Variants in MAN1C1 observed in about 807,000 individuals in gnomAD.
MAN1C1 encodes mannosyl-oligosaccharide 1,2-alpha-mannosidase IC.
In MAN1C1, 49 loss-of-function variants were observed where a neutral mutation model predicts 71.5. The ratio of observed to expected loss-of-function variants is 0.69; its 90% CI spans 0.54 to 0.87. The LOEUF (loss-of-function observed/expected upper bound fraction) is 0.87. Ranked by LOEUF, MAN1C1 falls within the 40% of genes least tolerant of loss-of-function variation. The pLI is 0.00. For synonymous variants in MAN1C1, 352 were observed against 343.7 expected, an observed-to-expected ratio of 1.02 and a Z score of -0.27; for missense variants, 743 against 835.0, an observed-to-expected ratio of 0.89 and a Z score of 1.36.
At chr1:25,666,905 G>A (rs527654036) in intron 1 of MAN1C1, among the ~76,000 whole-genome samples, 15 of 152,170 alleles carry the variant, frequency 9.9e-5, no homozygotes, top group Non-Finnish European at 1.8e-4. Flanking sequence ...GTCATGGGCC[G>A]TGGGTTCATT....
chr1:25,663,308 T>C (rs1197413518), intron 1 of MAN1C1, among the ~76,000 whole-genome samples: 8 of 151,966 alleles, frequency 5.3e-5, no homozygotes, highest in South Asian at 4.1e-4. Flanking sequence ...GGAGCACTTA[T>C]TGTGTAATAC....
rs765797920 is a variant in MAN1C1, at chr1:25,746,597, C to T, written c.638-71C>T. The T allele has an allele frequency of 2.7e-5, 33 of 1,221,906 alleles. No homozygotes were observed. The highest frequency in any genetic ancestry group is 2.7e-5 in the Non-Finnish European group (23 of 841,338). The allele number at this position is 1,221,906 out of a possible 1,614,324, so 75.7% of individuals were successfully genotyped here. On this transcript the variant is annotated intron_variant, in intron 2 of 11. Coordinates refer to ENST00000374332, the MANE Select transcript of MAN1C1 (RefSeq NM_020379.4). This position sits in a 1 kb window ranked among gnomAD's most constrained non-coding sequence, Gnocchi z 4.0. ...GCTGGCATTGGAGGGGCCCTGAGAA[C>T]GGTGGCTTGTCCAGTTGGGGAAAAG...
At chr1:25,671,138 A>G (rs180969913) in intron 1 of MAN1C1, among the ~76,000 whole-genome samples, 123 of 152,278 alleles carry the variant, frequency 8.1e-4, no homozygotes, top group Middle Eastern at 3.4e-3. Context: ...CTCGGCCTCC[A>G]GAAGTGCTGG....
At chr1:25,702,410 G>A (rs1425268767) in intron 2 of MAN1C1, among the ~76,000 whole-genome samples, 1 of 152,208 alleles carries the variant, frequency 6.6e-6, no homozygotes, top group African/African-American at 2.4e-5. Context: ...GCTCTCCCAG[G>A]CTCTGAGGGT....
Position 25,735,518 on chromosome 1 carries a change from ATATATGTGTATG to A in MAN1C1, c.638-11132_638-11121del, listed in dbSNP as rs905785365. ...TATGTGTGTATGTATGTGTGTGTATATATATGTGTATGTATATGTGTATGTATATATGTATAT... is the reference window on the plus strand; with the variant it reads ...TATGTGTGTATGTATGTGTGTGTATATATATGTGTATGTATATATGTATAT... On this transcript the variant is annotated intron_variant, in intron 2 of 11. Transcript: ENST00000374332. The surrounding 1 kb of genome is among the most constrained non-coding windows in gnomAD (Gnocchi z 4.6). Among the ~76,000 whole-genome samples the A allele has an allele frequency of 5.9e-5, 9 of 152,288 alleles. No individual in the cohort carries two copies. Among genetic ancestry groups the A allele is most frequent in the South Asian group, 2.1e-4 (1 of 4,830 alleles).
chr1:25,653,709 GCTT>G (rs2045724486), intron 1 of MAN1C1, among the ~76,000 whole-genome samples: 2 of 152,206 alleles, frequency 1.3e-5, no homozygotes, highest in African/African-American at 2.4e-5. Context: ...CACAAGTCTG[GCTT>G]CTGCAGGAAG....
intron 2 of MAN1C1, among the ~76,000 whole-genome samples, chr1:25,722,802 G>A (rs1208955354): frequency 2.0e-5 from 3 of 152,212 alleles, no homozygotes; most frequent in African/African-American, 7.2e-5. Context: ...AGAGAAGATG[G>A]TTGTGGATCT....
At position 25,769,386 on chromosome 1, in the gene MAN1C1, T is replaced by TAC. The variant is rs1278603153; in HGVS notation, c.1142-2269_1142-2268dup. On this transcript the variant is annotated intron_variant, in intron 7 of 11. Coordinates refer to ENST00000374332, the MANE Select transcript of MAN1C1 (RefSeq NM_020379.4). This position sits in a 1 kb window ranked among gnomAD's most constrained non-coding sequence, Gnocchi z 4.8. ...ACACACTCACCCCACACCCCATACA[T>TAC]ACATACACACACACACACACACAAG... Among the ~76,000 whole-genome samples the TAC allele has an allele frequency of 2.9e-5, 4 of 137,066 alleles. No individual in the cohort carries two copies. Among genetic ancestry groups the TAC allele is most frequent in the South Asian group, 4.4e-4 (2 of 4,544 alleles). 89.9% of individuals were successfully genotyped at this position (137,066 alleles called of 152,430 possible).
At chr1:25,759,410 C>G (rs2047332060) in intron 6 of MAN1C1, 1 of 152,412 alleles carries the variant, frequency 6.6e-6, no homozygotes, top group Non-Finnish European at 1.5e-5. Flanking sequence ...TGAGGGCTGC[C>G]TGGGGAGATG....
intron 8 of MAN1C1, 100 bp downstream of exon 8, chr1:25,771,872 G>T (rs1257702828): frequency 3.5e-6 from 3 of 853,870 alleles, no homozygotes; most frequent in African/African-American, 1.7e-5. Context: ...CAGATGGGCC[G>T]AGACTTGCTC....
rs902300081 is a variant in MAN1C1 at position 25,764,182 on chromosome 1, G to A, written c.1141+215G>A. Reference sequence around the variant, plus strand: ...TGCTGCTGCAGTGCCGGATGTGATGGCTGCTGTTTACTGAAGGCCTGCCCT... The same window carrying A: ...TGCTGCTGCAGTGCCGGATGTGATGACTGCTGTTTACTGAAGGCCTGCCCT... On this transcript the variant is annotated intron_variant, in intron 7 of 11. Coordinates refer to ENST00000374332, the MANE Select transcript of MAN1C1 (RefSeq NM_020379.4). This position sits in a 1 kb window ranked among gnomAD's most constrained non-coding sequence, Gnocchi z 4.4. Among the ~76,000 whole-genome samples the A allele has an allele frequency of 6.6e-6, 1 of 152,182 alleles. No individual in the cohort carries two copies. The highest frequency in any genetic ancestry group is 2.4e-5 in the African/African-American group (1 of 41,444).
At chr1:25,742,790 G>C (rs2124328710) in intron 2 of MAN1C1, among the ~76,000 whole-genome samples, 1 of 152,300 alleles carries the variant, frequency 6.6e-6, no homozygotes, top group Middle Eastern at 3.4e-3. Context: ...TGACACCAAA[G>C]CCAGCCTCTT....
intron 3 of MAN1C1, among the ~76,000 whole-genome samples, chr1:25,748,173 G>A (rs1016207275): frequency 2.0e-5 from 3 of 152,220 alleles, no homozygotes; most frequent in African/African-American, 7.2e-5. Flanking sequence ...CACTCAGGCA[G>A]GTGGGGCAGG....
chr1:25,683,017 A>G (rs2046176436), intron 1 of MAN1C1, among the ~76,000 whole-genome samples: 1 of 150,990 alleles, frequency 6.6e-6, no homozygotes. Flanking sequence ...CAGCCTGGAC[A>G]GCAGAGTGAG....
At chr1:25,763,705 T>C in intron 6 of MAN1C1, 169 bp from the exon 7 acceptor site, 1 of 619,096 alleles carries the variant, frequency 1.6e-6, no homozygotes, top group Non-Finnish European at 2.9e-6. Context: ...CAAGGCCACG[T>C]CACCATCCCC....
intron 2 of MAN1C1, among the ~76,000 whole-genome samples, chr1:25,731,989 C>T (rs2046915383): frequency 1.3e-5 from 2 of 152,174 alleles, no homozygotes. Flanking sequence ...CCAGGGCTAC[C>T]ATCTGTCAGA....
At chr1:25,716,610 C>T (rs562904003) in intron 2 of MAN1C1, among the ~76,000 whole-genome samples, 23 of 152,290 alleles carry the variant, frequency 1.5e-4, no homozygotes, top group Middle Eastern at 6.8e-3. Context: ...CCACTGTGCC[C>T]GGCCCTCAAA....
chr1:25,737,771 G>A (rs2047002537), intron 2 of MAN1C1, among the ~76,000 whole-genome samples: 1 of 152,130 alleles, frequency 6.6e-6, no homozygotes, highest in South Asian at 2.1e-4. Flanking sequence ...GGAAAAGGCT[G>A]AATGTATGAG....
At chr1:25,641,242 G>A (rs1032577802) in intron 1 of MAN1C1, among the ~76,000 whole-genome samples, 47 of 152,288 alleles carry the variant, frequency 3.1e-4, no homozygotes, top group African/African-American at 1.1e-3. Flanking sequence ...ACAGCCTTGC[G>A]GCATACAGAG....
Sources: allele counts gnomAD v4.1 joint callset (sites outside exome capture counted in the v4.1 genomes callset), GRCh38; gene constraint gnomAD v4.1.1; non-coding constraint Gnocchi (gnomAD v3.1); transcripts MANE v1.5; gene names NCBI Gene and HGNC (gene_info 2026-07-23, HGNC 2026-07-21).